SUN3: variants seen among roughly 807,000 people sequenced by gnomAD.
SUN3 encodes Sad1 and UNC84 domain containing 3, also known as SUN domain-containing protein 3.
In SUN3, 36 loss-of-function variants were observed where a neutral mutation model predicts 48.2. The ratio of observed to expected loss-of-function variants is 0.75; its 90% CI spans 0.57 to 0.99. The LOEUF (loss-of-function observed/expected upper bound fraction) is 0.99, where lower values mean the gene tolerates loss of function less well. Ranked by LOEUF, SUN3 falls within the 50% of genes least tolerant of loss-of-function variation. The pLI, the probability that SUN3 is intolerant of heterozygous loss-of-function variation, is 0.00. For missense variants in SUN3, 419 were observed against 433.1 expected, an observed-to-expected ratio of 0.97 and a Z score of 0.29; for synonymous variants, 148 against 147.9, an observed-to-expected ratio of 1.00 and a Z score of 0.00.
At chr7:48,006,452 A>T (rs546348745) in intron 5 of SUN3, among the ~76,000 whole-genome samples, 1 of 152,172 alleles carries the variant, frequency 6.6e-6, no homozygotes, top group Non-Finnish European at 1.5e-5. Flanking sequence ...TTATTTGGGA[A>T]TCAAGGCAGT....
At chr7:48,025,519 G>A (rs1338594289) in intron 2 of SUN3, among the ~76,000 whole-genome samples, 1 of 152,138 alleles carries the variant, frequency 6.6e-6, no homozygotes, top group African/African-American at 2.4e-5. Flanking sequence ...AAGAGTCTCT[G>A]GTTGTCAAAA....
At position 47,987,295 on chromosome 7, in the gene SUN3, C is replaced by T; in HGVS notation, c.*35G>A. On this transcript the variant is annotated 3_prime_UTR_variant, in exon 10 of 10. Coordinates refer to ENST00000297325, the MANE Select transcript of SUN3 (RefSeq NM_001030019.2). Reference sequence around the variant, plus strand: ...AAGAGAATAAGCATTCTTGAATATTCTGGACATGTGGCATGGCCTTCTGTA... The same window carrying T: ...AAGAGAATAAGCATTCTTGAATATTTTGGACATGTGGCATGGCCTTCTGTA... The T allele has an allele frequency of 6.3e-7, 1 of 1,594,948 alleles. No individual in the cohort carries two copies. The highest frequency in any genetic ancestry group is 8.5e-7 in the Non-Finnish European group (1 of 1,171,566).
intron 1 of SUN3, 45 bp from the exon 2 acceptor site, chr7:48,025,983 C>A (rs765185134): frequency 1.5e-6 from 2 of 1,372,320 alleles, no homozygotes; most frequent in Non-Finnish European, 2.0e-6. Context: ...TTAACAACAT[C>A]ATGCATTTAA....
At chr7:47,995,949 AT>A in intron 7 of SUN3, 81 bp downstream of exon 7, 1 of 871,842 alleles carries the variant, frequency 1.1e-6, no homozygotes, top group Non-Finnish European at 1.7e-6. Context: ...TATTGCCTCC[AT>A]TTTTAAAATT....
the SUN3 span, chr7:48,035,501 T>TGGCGACGCCGATGTTGTGGTTC: frequency 2.9e-6 from 2 of 697,378 alleles, no homozygotes; most frequent in South Asian, 3.0e-5. The surrounding 1 kb of genome is among the most constrained non-coding windows in gnomAD (Gnocchi z 4.0). Context: ...GCCGTTGCCC[T>TGGCGACGCCGATGTTGTGGTTC]GGCGACGCCG....
chr7:48,008,078 C>A (rs1406631712), intron 4 of SUN3, among the ~76,000 whole-genome samples: 1 of 152,190 alleles, frequency 6.6e-6, no homozygotes, highest in Admixed American at 6.5e-5. Flanking sequence ...CCCGCCTCGG[C>A]CACCCAAAGT....
Position 47,988,938 on chromosome 7 carries a change from A to G in SUN3, c.862-58T>C, listed in dbSNP as rs893811368. On this transcript the variant is annotated intron_variant, in intron 8 of 9. Coordinates refer to ENST00000297325, the MANE Select transcript of SUN3 (RefSeq NM_001030019.2). ...ATGAATGGATGCAGTTGTGTTTTCA[A>G]AAAGAACCAACAATTCACCAAATAT... 9.7e-6 allele frequency: 10 copies of G among 1,035,652 alleles called. No homozygotes were observed. In the African/African-American group the frequency reaches 1.6e-4, roughly 16 times the overall value. 64.2% of individuals were successfully genotyped at this position (1,035,652 alleles called of 1,614,324 possible).
chr7:47,993,077 C>T (rs1789111385), intron 8 of SUN3, among the ~76,000 whole-genome samples: 2 of 151,152 alleles, frequency 1.3e-5, no homozygotes, highest in Middle Eastern at 3.4e-3. Context: ...GAGACCCTGT[C>T]TCAAGAAAAA....
At chr7:48,019,991 AAAAAAAAAAAG>A (rs1413324666) in intron 2 of SUN3, among the ~76,000 whole-genome samples, 3 of 150,076 alleles carry the variant, frequency 2.0e-5, no homozygotes, top group African/African-American at 7.3e-5. Context: ...AAAAAAAAAA[AAAAAAAAAAAG>A]AAAGAAAGAA....
chr7:48,026,541 G>A (rs1022465736), intron 1 of SUN3, among the ~76,000 whole-genome samples: 1 of 151,442 alleles, frequency 6.6e-6, no homozygotes, highest in Non-Finnish European at 1.5e-5. Flanking sequence ...TGGAAATTGA[G>A]CATACTCAGT....
chr7:47,988,770 TC>T lies in SUN3; in HGVS notation c.954+17del. On this transcript the variant is annotated intron_variant, in intron 9 of 9. Coordinates refer to ENST00000297325, the MANE Select transcript of SUN3 (RefSeq NM_001030019.2). The stretch of plus-strand genomic sequence containing the variant: ...CAGTGATAGAGCTACTCATATCATT[TC>T]CCAGAGCATACATTACCTGGAGTTC... 1 of 1,522,872 alleles carries T rather than the reference TC, an allele frequency of 6.6e-7. No individual in the cohort carries two copies. Among genetic ancestry groups the T allele is most frequent in the Non-Finnish European group, 9.0e-7 (1 of 1,106,014 alleles). 94.3% of individuals were successfully genotyped at this position (1,522,872 alleles called of 1,614,324 possible). A position where few individuals can be genotyped will look rare whatever the true frequency, so the allele number is the denominator to read the frequency against.
chr7:47,989,273 A>T (rs1008952253), intron 8 of SUN3, among the ~76,000 whole-genome samples: 3 of 152,234 alleles, frequency 2.0e-5, no homozygotes, highest in African/African-American at 2.4e-5. Flanking sequence ...GCATACTTTG[A>T]ATAAAATAAA....
intron 8 of SUN3, among the ~76,000 whole-genome samples, chr7:47,992,724 G>A (rs11773348): frequency 0.43 from 65,039 of 151,722 alleles, 14,136 homozygotes; most frequent in Middle Eastern, 0.53. Context: ...TGAAAAGAAA[G>A]TGAAGGAAGG....
upstream of SUN3, among the ~76,000 whole-genome samples, chr7:48,029,283 T>C (rs911504228): frequency 6.6e-6 from 1 of 152,174 alleles, no homozygotes; most frequent in African/African-American, 2.4e-5. Flanking sequence ...CGATAGCAAA[T>C]CTGGATGTTT....
At chr7:47,987,574 C>G in intron 9 of SUN3, 125 bp from the exon 10 acceptor site, 1 of 946,340 alleles carries the variant, frequency 1.1e-6, no homozygotes, top group Non-Finnish European at 1.5e-6. Flanking sequence ...GGCTCTGTCA[C>G]ACAGGCTGGA....
chr7:47,991,666 C>A (rs1789064994), intron 8 of SUN3, among the ~76,000 whole-genome samples: 1 of 152,018 alleles, frequency 6.6e-6, no homozygotes. Context: ...GTGAAGATGG[C>A]CAAATGGCGC....
At chr7:48,022,474 C>A (rs1164051884) in intron 2 of SUN3, among the ~76,000 whole-genome samples, 1 of 152,034 alleles carries the variant, frequency 6.6e-6, no homozygotes, top group Non-Finnish European at 1.5e-5. Context: ...ATACCCCATC[C>A]TTCATGATAT....
At chr7:48,028,448 A>G (rs1307132025) in intron 1 of SUN3, among the ~76,000 whole-genome samples, 1 of 142,630 alleles carries the variant, frequency 7.0e-6, no homozygotes, top group African/African-American at 2.8e-5. Flanking sequence ...AGCTCTGCAT[A>G]CCACCAAGAC....
Position 48,027,496 on chromosome 7 carries a change from G to C in SUN3, c.122+1321C>G, listed in dbSNP as rs141984996. The stretch of plus-strand genomic sequence containing the variant: ...ACCTTTTAAAAAGCCCTAAAGGGTG[G>C]ATGGGGAGGGAAGCTAAAATGATCA... On this transcript the variant is annotated intron_variant, in intron 1 of 9. Coordinates refer to ENST00000297325, the MANE Select transcript of SUN3 (RefSeq NM_001030019.2). 3.9e-4 allele frequency among the ~76,000 whole-genome samples: 59 copies of C among 152,334 alleles called. No individual in the cohort carries two copies. The East Asian group carries it at 9.6e-3, about 25-fold the overall frequency.
Sources: allele counts gnomAD v4.1 joint callset (sites outside exome capture counted in the v4.1 genomes callset), GRCh38; gene constraint gnomAD v4.1.1; non-coding constraint Gnocchi (gnomAD v3.1); transcripts MANE v1.5; gene names NCBI Gene and HGNC (gene_info 2026-07-23, HGNC 2026-07-21).